The following FRMD3 variants were observed in gnomAD, a reference collection of about 807,000 sequenced individuals.
FRMD3 encodes the protein FERM domain-containing protein 3.
FRMD3 carries 33 observed loss-of-function variants against 70.2 expected under a neutral mutation model. That is an observed-to-expected ratio of 0.47 (90% CI 0.36 to 0.63). FRMD3 has a LOEUF of 0.63. Among genes scored for constraint, FRMD3 ranks in the 20% least tolerant of loss-of-function variants. The pLI is 0.00. For missense variants in FRMD3, 632 were observed against 711.4 expected (o/e 0.89, Z 1.27); for synonymous variants, 279 against 255.9 (o/e 1.09, Z -0.86).
intron 3 of FRMD3, chr9:83,351,048 A>G: frequency 1.1e-6 from 1 of 912,868 alleles, no homozygotes. Context: ...CTCAGTCTAC[A>G]TCCAAATGTG....
At chr9:83,298,363 C>A (rs889531797) in intron 12 of FRMD3, among the ~76,000 whole-genome samples, 3 of 152,196 alleles carry the variant, frequency 2.0e-5, no homozygotes, top group African/African-American at 7.2e-5. Context: ...CATGAAAGGT[C>A]AGCCCGGAGT....
chr9:83,378,502 T>G (rs1202541347), intron 2 of FRMD3, among the ~76,000 whole-genome samples: 1 of 71,086 alleles, frequency 1.4e-5, no homozygotes, highest in Non-Finnish European at 2.9e-5. Context: ...CATATAAAAT[T>G]TATATATATA....
chr9:83,450,356 T>G (rs141893352), intron 1 of FRMD3, among the ~76,000 whole-genome samples: 12,642 of 139,390 alleles, frequency 0.091, 606 homozygotes, highest in South Asian at 0.22. Context: ...AGTTTTTTTT[T>G]TTTTTTTTTT....
intron 1 of FRMD3, among the ~76,000 whole-genome samples, chr9:83,498,973 G>T (rs1587480347): frequency 6.6e-6 from 1 of 152,216 alleles, no homozygotes; most frequent in African/African-American, 2.4e-5. Flanking sequence ...AGGCATGTTT[G>T]CAAAATGAGT....
At chr9:83,327,296 G>A (rs773178019) in intron 6 of FRMD3, among the ~76,000 whole-genome samples, 9 of 152,222 alleles carry the variant, frequency 5.9e-5, no homozygotes, top group Non-Finnish European at 1.0e-4. Context: ...ATTTAGCTTT[G>A]TTGGAATAAA....
chr9:83,462,955 T>C (rs1828016906), intron 1 of FRMD3, among the ~76,000 whole-genome samples: 1 of 152,134 alleles, frequency 6.6e-6, no homozygotes, highest in Admixed American at 6.5e-5. Flanking sequence ...AATAATAATC[T>C]CTCAGTATTA....
chr9:83,347,681 A>T (rs948474806), intron 4 of FRMD3, among the ~76,000 whole-genome samples: 1 of 152,200 alleles, frequency 6.6e-6, no homozygotes, highest in Non-Finnish European at 1.5e-5. Flanking sequence ...CATGAATATG[A>T]TCGTAACTTC....
intron 5 of FRMD3, among the ~76,000 whole-genome samples, chr9:83,338,911 C>T (rs982560375): frequency 2.6e-5 from 4 of 152,156 alleles, no homozygotes; most frequent in African/African-American, 9.7e-5. Flanking sequence ...CACATACACG[C>T]TTGTGCCCCT....
At chr9:83,339,221 A>G (rs573516553) in intron 5 of FRMD3, among the ~76,000 whole-genome samples, 132 of 152,346 alleles carry the variant, frequency 8.7e-4, no homozygotes, top group Non-Finnish European at 1.6e-3. Flanking sequence ...CAAGATTAAC[A>G]CTGTCCCCAT....
chr9:83,407,873 C>CAT (rs1480837999), intron 1 of FRMD3, among the ~76,000 whole-genome samples: 2 of 91,896 alleles, frequency 2.2e-5, no homozygotes, highest in East Asian at 3.6e-4. Context: ...CTCTCTCTCT[C>CAT]ATCTTTCTCT....
At chr9:83,253,009 C>T (rs1205670824) in intron 13 of FRMD3, among the ~76,000 whole-genome samples, 1 of 152,124 alleles carries the variant, frequency 6.6e-6, no homozygotes, top group Non-Finnish European at 1.5e-5. Context: ...CTGAACTCAG[C>T]TCCAGATCAA....
intron 1 of FRMD3, among the ~76,000 whole-genome samples, chr9:83,467,430 G>A (rs1220633514): frequency 6.6e-6 from 1 of 152,138 alleles, no homozygotes; most frequent in Non-Finnish European, 1.5e-5. Context: ...AGGCCATTAA[G>A]TGGAACTAAA....
rs542228158 is a variant in FRMD3 at position 83,300,698 on chromosome 9, A to G, written c.927-1512T>C. On this transcript the variant is annotated intron_variant, in intron 10 of 13. Coordinates refer to ENST00000304195, the MANE Select transcript of FRMD3 (RefSeq NM_174938.6). The stretch of plus-strand genomic sequence containing the variant: ...CCCCAAAAGGTATTGAAATTTTTTA[A>G]AAATATATAAAATACATTTTTAAAA... Among the ~76,000 whole-genome samples the G allele has an allele frequency of 1.8e-3, 277 of 152,354 alleles. 1 individual carries two copies. Among genetic ancestry groups the G allele is most frequent in the African/African-American group, 6.4e-3 (267 of 41,584 alleles).
the FRMD3 span, among the ~76,000 whole-genome samples, chr9:83,545,623 C>T: frequency 6.6e-6 from 1 of 151,984 alleles, no homozygotes; most frequent in Admixed American, 6.6e-5. Flanking sequence ...TCCCAAAGTG[C>T]TAGGATTACA....
intron 13 of FRMD3, among the ~76,000 whole-genome samples, chr9:83,278,791 A>T (rs1209991639): frequency 6.6e-6 from 1 of 152,144 alleles, no homozygotes; most frequent in Non-Finnish European, 1.5e-5. Flanking sequence ...GCTGGGGGTC[A>T]GGGCGGGGAC....
At chr9:83,318,202 T>C (rs1270394679) in intron 6 of FRMD3, among the ~76,000 whole-genome samples, 1 of 152,214 alleles carries the variant, frequency 6.6e-6, no homozygotes, top group African/African-American at 2.4e-5. Flanking sequence ...GGGCTTTTAG[T>C]GCAACTATCA....
the FRMD3 span, among the ~76,000 whole-genome samples, chr9:83,553,351 T>A: frequency 6.6e-6 from 1 of 152,220 alleles, no homozygotes; most frequent in African/African-American, 2.4e-5. Context: ...GCTGTTAACC[T>A]CATGGGGTTC....
intron 13 of FRMD3, among the ~76,000 whole-genome samples, chr9:83,281,984 A>G (rs1833988163): frequency 6.6e-6 from 1 of 152,244 alleles, no homozygotes; most frequent in Non-Finnish European, 1.5e-5. Context: ...TTCATTTGCT[A>G]TAATTGAAAA....
chr9:83,496,208 T>C (rs1167845433), intron 1 of FRMD3, among the ~76,000 whole-genome samples: 1 of 152,246 alleles, frequency 6.6e-6, no homozygotes, highest in Non-Finnish European at 1.5e-5. Flanking sequence ...TTCAAATAAG[T>C]TGATTTATGT....
Sources: allele counts gnomAD v4.1 joint callset (sites outside exome capture counted in the v4.1 genomes callset), GRCh38; gene constraint gnomAD v4.1.1; transcripts MANE v1.5; gene names NCBI Gene and HGNC (gene_info 2026-07-23, HGNC 2026-07-21).